KCNK3: variants seen among roughly 807,000 people sequenced by gnomAD.
KCNK3 encodes potassium two pore domain channel subfamily K member 3.
In KCNK3, 9 loss-of-function variants were observed where a neutral mutation model predicts 27.3. The ratio of observed to expected loss-of-function variants is 0.33; its 90% CI spans 0.20 to 0.57. The LOEUF is 0.57. Ranked by LOEUF, KCNK3 falls within the 20% of genes least tolerant of loss-of-function variation. KCNK3 has a pLI of 0.87. For synonymous variants in KCNK3, 278 were observed against 273.8 expected, an observed-to-expected ratio of 1.02 and a Z score of -0.15; for missense variants, 391 against 577.7, an observed-to-expected ratio of 0.68 and a Z score of 3.31.
intron 1 of KCNK3, among the ~76,000 whole-genome samples, chr2:26,700,293 G>A (rs1318256719): frequency 1.3e-5 from 2 of 152,194 alleles, no homozygotes; most frequent in African/African-American, 4.8e-5. Context: ...GCAGTCAACC[G>A]CCCAGCTGAT....
Position 26,693,142 on chromosome 2 carries a change from C to G in KCNK3, c.267C>G (p.Thr89=). The change falls in exon 1 of 2, where the codon ACC becomes ACG. Residue 89 remains threonine (T), a synonymous_variant. Coordinates refer to ENST00000302909, the MANE Select transcript of KCNK3 (RefSeq NM_002246.3). This position sits in a 1 kb window ranked among gnomAD's most constrained non-coding sequence, Gnocchi z 5.5. ...CCGGCTCCTTCTACTTCGCCATCAC[C>G]GTCATCACCACCATCGGTAACGGCT... The part of the protein sequence containing the change: ...RFAGSFYFAI[T]VITTIGYGHA... 1.3e-6 allele frequency: 2 copies of G among 1,558,622 alleles called. No homozygotes were observed. The highest frequency in any genetic ancestry group is 1.2e-5 in the South Asian group (1 of 86,624).
chr2:26,727,517 C>G (rs1447487073), intron 1 of KCNK3, 150 bp from the exon 2 acceptor site: 6 of 996,606 alleles, frequency 6.0e-6, no homozygotes, highest in Non-Finnish European at 8.8e-6. Context: ...CAGGGCCTAG[C>G]ACAGTGCGTG....
chr2:26,717,375 T>G (rs1198667143), intron 1 of KCNK3, among the ~76,000 whole-genome samples: 1 of 152,134 alleles, frequency 6.6e-6, no homozygotes, highest in Non-Finnish European at 1.5e-5. Flanking sequence ...ACACCCCTGT[T>G]TCTCCTCAAT....
intron 1 of KCNK3, among the ~76,000 whole-genome samples, chr2:26,725,815 ATGGCCCTGG>A (rs1663406427): frequency 1.3e-5 from 2 of 152,134 alleles, no homozygotes; most frequent in Admixed American, 6.5e-5. Flanking sequence ...TAAGATCCAA[ATGGCCCTGG>A]GTTGACAGAG....
rs771556357 is a variant in KCNK3 at position 26,727,931 on chromosome 2, A to G, written c.548A>G (p.His183Arg). The change falls in exon 2 of 2, where the codon CAC (histidine) becomes CGC (arginine). Residue 183 changes from histidine (H) to arginine (R), a missense_variant. Physicochemically the swap from His to Arg is conservative, Grantham distance 29. This residue lies in a region of KCNK3 where 158 missense variants were observed against 267.7 expected (regional missense o/e 0.59). Transcript: ENST00000302909. Reference sequence around the variant, plus strand: ...GCCGCCGCCTTCTCCCACTACGAGCACTGGACCTTCTTCCAGGCCTACTAC... The same window carrying G: ...GCCGCCGCCTTCTCCCACTACGAGCGCTGGACCTTCTTCCAGGCCTACTAC... Reference protein sequence around the residue: ...IGAAAFSHYEHWTFFQAYYYC... With the variant: ...IGAAAFSHYERWTFFQAYYYC... 6.2e-7 allele frequency: 1 copy of G among 1,614,190 alleles called. No homozygotes were observed. Among genetic ancestry groups the G allele is most frequent in the South Asian group, 1.1e-5 (1 of 91,088 alleles).
chr2:26,721,733 C>G lies in KCNK3; in HGVS notation c.284-5934C>G, dbSNP rs902877332. On this transcript the variant is annotated intron_variant, in intron 1 of 1. Transcript: ENST00000302909. The surrounding 1 kb of genome is among the most constrained non-coding windows in gnomAD (Gnocchi z 4.3). ...ACTCCTCTCTGGCTGCCACACCAGG[C>G]CCAAGCCACACTGAGGTCACTTCGG... is the stretch of plus-strand genomic sequence containing the variant. 6.6e-6 allele frequency among the ~76,000 whole-genome samples: 1 copy of G among 152,258 alleles called. No homozygotes were observed. The highest frequency in any genetic ancestry group is 2.4e-5 in the African/African-American group (1 of 41,470).
chr2:26,700,055 G>A (rs1232802039), intron 1 of KCNK3, among the ~76,000 whole-genome samples: 1 of 152,110 alleles, frequency 6.6e-6, no homozygotes, highest in Non-Finnish European at 1.5e-5. Flanking sequence ...TCAGCTTCAG[G>A]GTCTCTTGCC....
chr2:26,720,074 C>A (rs184892636), intron 1 of KCNK3, among the ~76,000 whole-genome samples: 47 of 152,252 alleles, frequency 3.1e-4, no homozygotes, highest in African/African-American at 1.0e-3. Flanking sequence ...ACCAGCCTGG[C>A]CAATGTGGTG....
intron 1 of KCNK3, among the ~76,000 whole-genome samples, chr2:26,696,574 A>G (rs1435128942): frequency 6.6e-6 from 1 of 152,208 alleles, no homozygotes; most frequent in Non-Finnish European, 1.5e-5. Context: ...ACTGGCTGGA[A>G]GGATTCCTCC....
chr2:26,706,179 C>CA (rs1053363809), intron 1 of KCNK3, among the ~76,000 whole-genome samples: 2 of 152,306 alleles, frequency 1.3e-5, no homozygotes, highest in East Asian at 3.9e-4. Flanking sequence ...CAGAAACATG[C>CA]AAAGGTGGCT....
chr2:26,718,320 T>C (rs1221726829), intron 1 of KCNK3, among the ~76,000 whole-genome samples: 1 of 152,200 alleles, frequency 6.6e-6, no homozygotes, highest in Non-Finnish European at 1.5e-5. Context: ...ACTTCATTCC[T>C]GAACCCACCC....
At chr2:26,709,806 G>A (rs1663070626) in intron 1 of KCNK3, among the ~76,000 whole-genome samples, 1 of 152,154 alleles carries the variant, frequency 6.6e-6, no homozygotes, top group Non-Finnish European at 1.5e-5. Context: ...GCCCAGCAAG[G>A]CGATGGGCGC....
At chr2:26,711,059 C>T (rs1011820254) in intron 1 of KCNK3, among the ~76,000 whole-genome samples, 3 of 152,328 alleles carry the variant, frequency 2.0e-5, no homozygotes, top group African/African-American at 7.2e-5. Flanking sequence ...AGCTAACCAG[C>T]CCCTCACTGA....
chr2:26,725,910 C>A (rs976276849), intron 1 of KCNK3, among the ~76,000 whole-genome samples: 3 of 152,196 alleles, frequency 2.0e-5, no homozygotes, highest in African/African-American at 7.2e-5. Flanking sequence ...TCTGGCACTT[C>A]ACTCATTATT....
chr2:26,697,157 T>A (rs1731249), intron 1 of KCNK3, among the ~76,000 whole-genome samples: 73,513 of 151,932 alleles, frequency 0.48, 20,384 homozygotes, highest in Admixed American at 0.65. Context: ...ATTGGACCTC[T>A]CTGACTCTCC....
In KCNK3 at chr2:26,713,254, C is replaced by T. The variant is rs529262046; in HGVS notation, c.284-14413C>T. On this transcript the variant is annotated intron_variant, in intron 1 of 1. Transcript: ENST00000302909. ...AAGAGATGAGGGAGGGAAGTCAGGG[C>T]AGCAGCGACTCCAGTGACTCTGCAG... 7.9e-5 allele frequency among the ~76,000 whole-genome samples: 12 copies of T among 152,304 alleles called. No individual in the cohort carries two copies. In the East Asian group the frequency reaches 2.1e-3, roughly 27 times the overall value.
intron 1 of KCNK3, among the ~76,000 whole-genome samples, chr2:26,703,705 A>G (rs1247847166): frequency 6.6e-6 from 1 of 152,240 alleles, no homozygotes; most frequent in African/African-American, 2.4e-5. Flanking sequence ...GCCTTCCCCA[A>G]GGAGCCTTGG....
At chr2:26,727,608 T>C in intron 1 of KCNK3, 59 bp from the exon 2 acceptor site, 1 of 1,508,770 alleles carries the variant, frequency 6.6e-7, no homozygotes, top group African/African-American at 1.4e-5. Context: ...GAGAAGAAGG[T>C]TTCTGGAAGG....
chr2:26,708,897 G>A (rs745433579), intron 1 of KCNK3, among the ~76,000 whole-genome samples: 4 of 152,222 alleles, frequency 2.6e-5, no homozygotes, highest in Non-Finnish European at 5.9e-5. Flanking sequence ...TCCAAAGAGA[G>A]GATGGTGGCG....
Sources: gnomAD v4.1 joint callset for allele counts (sites outside exome capture counted in the v4.1 genomes callset) on GRCh38, gnomAD v4.1.1 for gene constraint, gnomAD v4.1.1 regional missense constraint, Gnocchi (gnomAD v3.1) non-coding constraint, MANE v1.5 for transcripts, NCBI Gene and HGNC (gene_info 2026-07-23, HGNC 2026-07-21) for gene names.